The following CXCL12 variants were observed in gnomAD, a reference collection of about 807,000 sequenced individuals.
CXCL12 encodes stromal cell-derived factor 1.
A neutral mutation model predicts 10.7 loss-of-function variants in CXCL12; 4 were observed. That is an observed-to-expected ratio of 0.37 (90% CI 0.18 to 0.86). The LOEUF is 0.86. CXCL12 is among the 40% of genes least tolerant of loss of function. The probability of loss-of-function intolerance (pLI) is 0.43; values close to 1 mark genes in which losing one functional copy is unlikely to be tolerated. For synonymous variants in CXCL12, 54 were observed against 45.4 expected (o/e 1.19, Z -0.77); for missense variants, 122 against 110.4 (o/e 1.10, Z -0.47).
At chr10:44,374,540 G>A (rs1839399962), downstream of CXCL12, 1 of 455,970 alleles carries the variant, frequency 2.2e-6, no homozygotes, top group African/African-American at 2.0e-5. Context: ...TGGGCCAGGA[G>A]AGTTGTCCAG....
chr10:44,377,152 T>C lies in CXCL12; in HGVS notation c.*1481A>G, dbSNP rs761982360. On this transcript the variant is annotated 3_prime_UTR_variant, in exon 3 of 3. Transcript: ENST00000343575. ...CGTTTATACCATGAAACAATTAGCATTTTATTGCTAGTGCATATAATGTCA... is the reference window on the plus strand; with the variant it reads ...CGTTTATACCATGAAACAATTAGCACTTTATTGCTAGTGCATATAATGTCA... 34 of 985,902 alleles carry C rather than the reference T, an allele frequency of 3.4e-5. No individual in the cohort carries two copies. The highest frequency in any genetic ancestry group is 4.0e-5 in the Non-Finnish European group (33 of 830,304). The allele number at this position is 985,902 out of a possible 1,614,324, so 61.1% of individuals were successfully genotyped here. A position where few individuals can be genotyped will look rare whatever the true frequency, so the allele number is the denominator to read the frequency against.
intron 1 of CXCL12, among the ~76,000 whole-genome samples, chr10:44,382,901 C>T (rs2132051619): frequency 6.6e-6 from 1 of 152,326 alleles, no homozygotes; most frequent in African/African-American, 2.4e-5. Context: ...CTTTCCCAAC[C>T]GTTCTGGATG....
intron 1 of CXCL12, among the ~76,000 whole-genome samples, chr10:44,381,316 C>G (rs1839625190): frequency 6.6e-6 from 1 of 152,268 alleles, no homozygotes; most frequent in Non-Finnish European, 1.5e-5. Flanking sequence ...AGGCTCCAGG[C>G]TCCCTGGCCT....
chr10:44,372,958 C>T (rs1445739324), downstream of CXCL12: 6 of 1,535,882 alleles, frequency 3.9e-6, no homozygotes, highest in Non-Finnish European at 5.2e-6. Flanking sequence ...CACCCTAGGG[C>T]TGACCATGGG....
chr10:44,383,549 G>A (rs1327697497), intron 1 of CXCL12, among the ~76,000 whole-genome samples: 2 of 123,466 alleles, frequency 1.6e-5, no homozygotes, highest in Non-Finnish European at 3.2e-5. Flanking sequence ...CCAAACCAGA[G>A]ACCTTACAGG....
At chr10:44,372,615 G>A (rs2132035777), downstream of CXCL12, 1 of 1,315,230 alleles carries the variant, frequency 7.6e-7, no homozygotes, top group African/African-American at 1.5e-5. Flanking sequence ...TGAAAGCTTT[G>A]GTCCTGAGAG....
intron 1 of CXCL12, among the ~76,000 whole-genome samples, chr10:44,381,685 T>TGC (rs1392048608): frequency 6.6e-6 from 1 of 152,238 alleles, no homozygotes; most frequent in Non-Finnish European, 1.5e-5. Context: ...CAGAACCCAC[T>TGC]GCTCACCCTT....
At chr10:44,374,792 C>T (rs197452), downstream of CXCL12, 57,915 of 413,592 alleles carry the variant, frequency 0.14, 4,207 homozygotes, top group South Asian at 0.17. Context: ...ACCCAGGATC[C>T]GGGTGCAGGG....
Position 44,378,286 on chromosome 10 carries a change from G to T in CXCL12, c.*347C>A. 6.8e-7 allele frequency: 1 copy of T among 1,469,668 alleles called. No individual in the cohort carries two copies. Among genetic ancestry groups the T allele is most frequent in the Non-Finnish European group, 9.1e-7 (1 of 1,099,068 alleles). 91.0% of individuals were successfully genotyped at this position (1,469,668 alleles called of 1,614,324 possible). A position where few individuals can be genotyped will look rare whatever the true frequency, so the allele number is the denominator to read the frequency against. ...AAGTACTCGTTGATTTAAAAAATGAGAATGAGAATGATGATGATTGTGATG... is the reference window on the plus strand; with the variant it reads ...AAGTACTCGTTGATTTAAAAAATGATAATGAGAATGATGATGATTGTGATG... On this transcript the variant is annotated 3_prime_UTR_variant, in exon 3 of 3. Coordinates refer to ENST00000343575, the MANE Select transcript of CXCL12 (RefSeq NM_199168.4).
At chr10:44,379,858 A>C (rs1193529895) in intron 2 of CXCL12, among the ~76,000 whole-genome samples, 1 of 152,260 alleles carries the variant, frequency 6.6e-6, no homozygotes. Flanking sequence ...GCCCTAAAAC[A>C]TACTGTAAAT....
At chr10:44,384,788 C>T (rs552191453) in intron 1 of CXCL12, among the ~76,000 whole-genome samples, 157 bp downstream of exon 1, 1 of 152,336 alleles carries the variant, frequency 6.6e-6, no homozygotes, top group East Asian at 1.9e-4. Context: ...GCTTTGAACG[C>T]GACACCGCAC....
chr10:44,373,747 G>A (rs1839378410), downstream of CXCL12, among the ~76,000 whole-genome samples: 1 of 152,182 alleles, frequency 6.6e-6, no homozygotes, highest in African/African-American at 2.4e-5. Context: ...CACTTTCGTG[G>A]CTTCCAGTAA....
intron 2 of CXCL12, chr10:44,380,387 C>T (rs1287189645): frequency 5.1e-6 from 1 of 197,950 alleles, no homozygotes; most frequent in African/African-American, 2.3e-5. Flanking sequence ...GGCATCAGAT[C>T]CCCGAAACTG....
At chr10:44,372,968 G>A (rs1349050595), downstream of CXCL12, 2 of 1,535,820 alleles carry the variant, frequency 1.3e-6, no homozygotes, top group African/African-American at 2.7e-5. Context: ...CTGACCATGG[G>A]GCCAGGCTCC....
chr10:44,374,321 C>T (rs17883916), downstream of CXCL12: 45 of 395,868 alleles, frequency 1.1e-4, no homozygotes, highest in African/African-American at 6.7e-4. Flanking sequence ...AGAATGCAGG[C>T]GAGTATGGGG....
In CXCL12 at chr10:44,385,012, G is replaced by C. The variant is rs754977557; in HGVS notation, c.-7C>G. The C allele has an allele frequency of 7.4e-7, 1 of 1,354,282 alleles. No individual in the cohort carries two copies. The highest frequency in any genetic ancestry group is 9.6e-7 in the Non-Finnish European group (1 of 1,041,914). The allele number at this position is 1,354,282 out of a possible 1,614,324, so 83.9% of individuals were successfully genotyped here. On this transcript the variant is annotated 5_prime_UTR_variant, in exon 1 of 3. Coordinates refer to ENST00000343575, the MANE Select transcript of CXCL12 (RefSeq NM_199168.4). ...CCACGACCTTGGCGTTCATGGCGCG[G>C]GCGGGCGGGCGGGCGGGCGGACGAG... is the stretch of plus-strand genomic sequence containing the variant.
downstream of CXCL12, chr10:44,376,090 G>T: frequency 6.3e-7 from 1 of 1,590,232 alleles, no homozygotes; most frequent in Non-Finnish European, 8.6e-7. Context: ...GTTCGTCTCA[G>T]TCTGCATAAG....
In CXCL12 at chr10:44,378,610, A is replaced by G; in HGVS notation, c.*23T>C. The G allele has an allele frequency of 6.2e-7, 1 of 1,614,014 alleles. No homozygotes were observed. Among genetic ancestry groups the G allele is most frequent in the East Asian group, 2.2e-5 (1 of 44,862 alleles). ...AGTTTTCCTCGAGTGGGTCTAGCGG[A>G]AAGTCCTTTTTGGCTGTTGTGCTTA... On this transcript the variant is annotated 3_prime_UTR_variant, in exon 3 of 3. Coordinates refer to ENST00000343575, the MANE Select transcript of CXCL12 (RefSeq NM_199168.4).
At chr10:44,375,775 A>C (rs1261011313), downstream of CXCL12, 1 of 1,384,308 alleles carries the variant, frequency 7.2e-7, no homozygotes, top group Non-Finnish European at 9.6e-7. Context: ...AAAGCACATA[A>C]ATACAGAAGC....
Sources: allele counts gnomAD v4.1 joint callset (sites outside exome capture counted in the v4.1 genomes callset), GRCh38; gene constraint gnomAD v4.1.1; transcripts MANE v1.5; gene names NCBI Gene and HGNC (gene_info 2026-07-23, HGNC 2026-07-21).